The following APPL2 variants were observed in gnomAD, a reference collection of about 807,000 sequenced individuals.
APPL2 encodes DCC-interacting protein 13-beta.
Under a neutral mutation model 92.7 loss-of-function variants are expected in APPL2, and 84 were observed. That is an observed-to-expected ratio of 0.91 (90% CI 0.76 to 1.09). The LOEUF is 1.09. Among genes scored for constraint, APPL2 ranks in the 50% least tolerant of loss-of-function variants. APPL2 has a pLI of 0.00. For synonymous variants in APPL2, 291 were observed against 291.0 expected (o/e 1.00, Z 0.00); for missense variants, 736 against 824.5 (o/e 0.89, Z 1.31).
chr12:105,236,151 C>T lies in APPL2; in HGVS notation c.-139G>A, dbSNP rs1215339325. ...CGCGGCGGCCCCGCGCGCGTCCACG[C>T]CTGGCCAGTGGCCGCCGCCGCCTGC... On this transcript the variant is annotated 5_prime_UTR_variant, in exon 1 of 21. Coordinates refer to ENST00000258530, the MANE Select transcript of APPL2 (RefSeq NM_018171.5). The T allele has an allele frequency of 2.0e-5, 5 of 254,818 alleles. No homozygotes were observed. Among genetic ancestry groups the T allele is most frequent in the Non-Finnish European group, 2.8e-5 (5 of 180,072 alleles). 15.8% of individuals were successfully genotyped at this position (254,818 alleles called of 1,614,324 possible). A position where few individuals can be genotyped will look rare whatever the true frequency, so the allele number is the denominator to read the frequency against.
intron 15 of APPL2, 37 bp from the exon 16 acceptor site, chr12:105,189,861 T>G (rs1887046455): frequency 1.2e-6 from 2 of 1,613,346 alleles, no homozygotes; most frequent in Admixed American, 1.7e-5. Flanking sequence ...ACACGACAGC[T>G]GCAGCTAGAA....
intron 7 of APPL2, 70 bp downstream of exon 7, chr12:105,207,901 A>G: frequency 7.1e-7 from 1 of 1,415,396 alleles, no homozygotes; most frequent in Non-Finnish European, 1.0e-6. Flanking sequence ...CATGCCATAA[A>G]TTCACAAGAG....
chr12:105,193,918 T>C (rs536557508), intron 14 of APPL2, among the ~76,000 whole-genome samples: 13 of 152,302 alleles, frequency 8.5e-5, no homozygotes, highest in East Asian at 5.8e-4. Context: ...TTTTGCTCCA[T>C]TGCCTGTAAC....
chr12:105,181,596 T>G (rs1886121639), intron 17 of APPL2, among the ~76,000 whole-genome samples: 1 of 152,124 alleles, frequency 6.6e-6, no homozygotes, highest in African/African-American at 2.4e-5. Context: ...GTCCTGGGCT[T>G]TTTTTTGGTT....
At chr12:105,210,719 C>A (rs1889140933) in intron 5 of APPL2, among the ~76,000 whole-genome samples, 1 of 152,108 alleles carries the variant, frequency 6.6e-6, no homozygotes, top group African/African-American at 2.4e-5. Context: ...AAGAGCAGTC[C>A]CCATCCATCG....
chr12:105,176,167 G>C, intron 19 of APPL2, 85 bp from the exon 20 acceptor site: 2 of 1,221,358 alleles, frequency 1.6e-6, no homozygotes, highest in Non-Finnish European at 2.4e-6. Context: ...GTACAGTGAG[G>C]TCACTGTTCT....
In APPL2 at chr12:105,176,029, TCTTAC is replaced by T; in HGVS notation, c.1860+1_1860+5del. ...GCTACTAAACCAGCGCTAGAATGCA[TCTTAC>T]CTTCTGAACCTCAATAATTTCTTTT... On this transcript the variant is annotated splice_donor_variant and splice_donor_5th_base_variant and intron_variant, in intron 20 of 20. Coordinates refer to ENST00000258530, the MANE Select transcript of APPL2 (RefSeq NM_018171.5). LOFTEE classifies it high-confidence loss of function. The T allele has an allele frequency of 6.3e-7, 1 of 1,584,600 alleles. No individual in the cohort carries two copies. The highest frequency in any genetic ancestry group is 1.2e-5 in the South Asian group (1 of 85,154).
At chr12:105,235,773 C>T (rs1891188042) in intron 1 of APPL2, among the ~76,000 whole-genome samples, 186 bp downstream of exon 1, 1 of 152,164 alleles carries the variant, frequency 6.6e-6, no homozygotes, top group East Asian at 1.9e-4. Context: ...AGCTCTGCCC[C>T]GGCTCAGGAC....
intron 10 of APPL2, among the ~76,000 whole-genome samples, chr12:105,198,656 G>A (rs1887875953): frequency 6.6e-6 from 1 of 152,160 alleles, no homozygotes; most frequent in South Asian, 2.1e-4. Context: ...AAAGGCACTG[G>A]GTTTCCTGCC....
chr12:105,207,845 T>C, intron 7 of APPL2, 126 bp downstream of exon 7: 1 of 785,412 alleles, frequency 1.3e-6, no homozygotes, highest in South Asian at 1.7e-5. Context: ...TGAACAATTT[T>C]AAAAGTCCAT....
At chr12:105,200,864 GTATC>G (rs202172435) in intron 9 of APPL2, among the ~76,000 whole-genome samples, 18,499 of 134,436 alleles carry the variant, frequency 0.14, 1,256 homozygotes, top group African/African-American at 0.18. Flanking sequence ...ATGTATGTAT[GTATC>G]TATCTATCTA....
chr12:105,192,903 T>C (rs1342692946), intron 14 of APPL2, among the ~76,000 whole-genome samples: 1 of 152,198 alleles, frequency 6.6e-6, no homozygotes, highest in Admixed American at 6.5e-5. Context: ...AGTCCACACA[T>C]GGTACTTGCT....
Position 105,229,193 on chromosome 12 carries a change from C to A in APPL2, c.85G>T (p.Asp29Tyr). Reference sequence around the variant, plus strand: ...GTATAGTCTGTGAGGGTGCCAGCATCTTCTTCAAACACGCTCAGTAAAGAG... The same window carrying A: ...GTATAGTCTGTGAGGGTGCCAGCATATTCTTCAAACACGCTCAGTAAAGAG... ...TRSLLSVFEE[D>Y]AGTLTDYTNQ... is the part of the protein sequence containing the mutation. Residue 29 changes from aspartate to tyrosine, a missense_variant, in exon 2 of 21, where the codon GAT becomes TAT. Physicochemically the swap from Asp to Tyr is radical, Grantham distance 160. Transcript: ENST00000258530. The A allele has an allele frequency of 1.2e-6, 2 of 1,613,832 alleles. No homozygotes were observed. Among genetic ancestry groups the A allele is most frequent in the Non-Finnish European group, 1.7e-6 (2 of 1,179,892 alleles).
At chr12:105,175,970 C>G in intron 20 of APPL2, 65 bp downstream of exon 20, 1 of 1,415,212 alleles carries the variant, frequency 7.1e-7, no homozygotes, top group Non-Finnish European at 9.5e-7. Context: ...TTTGAAAAGA[C>G]TCTTGGTATG....
intron 19 of APPL2, 146 bp from the exon 20 acceptor site, chr12:105,176,228 T>C (rs1308128048): frequency 3.0e-6 from 2 of 669,684 alleles, no homozygotes; most frequent in Non-Finnish European, 5.0e-6. Flanking sequence ...ACTCATCACA[T>C]AGGGCCCGGG....
At chr12:105,177,568 T>C (rs568835298) in intron 17 of APPL2, 34 of 378,584 alleles carry the variant, frequency 9.0e-5, no homozygotes, top group Non-Finnish European at 1.5e-4. Context: ...CTATATAATA[T>C]GGATGGATTA....
Position 105,180,339 on chromosome 12 carries a change from C to A in APPL2, c.1635-3077G>T, listed in dbSNP as rs369792307. Among the ~76,000 whole-genome samples, 3 of 152,116 alleles carry A rather than the reference C, an allele frequency of 2.0e-5. No individual in the cohort carries two copies. The South Asian group carries it at 6.2e-4, about 31-fold the overall frequency. On this transcript the variant is annotated intron_variant, in intron 17 of 20. Transcript: ENST00000258530. ...TGTTCTGTTCCATTGGTCTATATAT[C>A]TGTTTTGGTACCAGTACCATGCTGT...
At chr12:105,207,234 C>A in intron 7 of APPL2, 27 bp from the exon 8 acceptor site, 2 of 1,604,512 alleles carry the variant, frequency 1.2e-6, no homozygotes, top group South Asian at 1.1e-5. Context: ...AGGAAAACTT[C>A]AAGTTGTCTA....
At position 105,217,740 on chromosome 12, in the gene APPL2, G is replaced by A. The variant is rs374694086; in HGVS notation, c.154-15C>T. On this transcript the variant is annotated splice_polypyrimidine_tract_variant and intron_variant, in intron 2 of 20. Coordinates refer to ENST00000258530, the MANE Select transcript of APPL2 (RefSeq NM_018171.5). ...CACATCTCATTCTGTGGAGAGAAGA[G>A]AAAAAGCAAGTAAGATTAGTCCAAT... 1.2e-5 allele frequency: 20 copies of A among 1,612,056 alleles called. No individual in the cohort carries two copies. The highest frequency in any genetic ancestry group is 1.6e-5 in the Non-Finnish European group (19 of 1,179,504).
Sources: gnomAD v4.1 joint callset for allele counts (sites outside exome capture counted in the v4.1 genomes callset) on GRCh38, gnomAD v4.1.1 for gene constraint, MANE v1.5 for transcripts, NCBI Gene and HGNC (gene_info 2026-07-23, HGNC 2026-07-21) for gene names.